SH2D6: variants seen among roughly 807,000 people sequenced by gnomAD.
SH2D6 encodes the protein SH2 domain-containing protein 6.
A neutral mutation model predicts 30.2 loss-of-function variants in SH2D6; 31 were observed. The observed-to-expected ratio is 1.03, with a 90% CI of 0.77 to 1.38. The LOEUF is 1.38. SH2D6 is among the 40% of genes most tolerant of loss of function. The pLI, the probability that SH2D6 is intolerant of heterozygous loss-of-function variation, is 0.00. For synonymous variants in SH2D6, 93 were observed against 104.6 expected (o/e 0.89, Z 0.68); for missense variants, 240 against 266.8 (o/e 0.90, Z 0.70).
chr2:85,433,772 C>T (rs754849315), intron 16 of SH2D6, 141 bp downstream of exon 16: 1 of 720,256 alleles, frequency 1.4e-6, no homozygotes, highest in Non-Finnish European at 2.1e-6. Flanking sequence ...TCAGTCACCG[C>T]ATGGACATCA....
intron 16 of SH2D6, 82 bp downstream of exon 16, chr2:85,433,713 C>T: frequency 3.8e-6 from 4 of 1,054,742 alleles, no homozygotes; most frequent in Non-Finnish European, 4.8e-6. Flanking sequence ...CTGGCTCCAT[C>T]TGCTTCCCTT....
chr2:85,432,545 C>A (rs371657191), intron 14 of SH2D6, among the ~76,000 whole-genome samples: 1 of 151,724 alleles, frequency 6.6e-6, no homozygotes, highest in Non-Finnish European at 1.5e-5. Flanking sequence ...GGACTACAGG[C>A]GCCCGCTACC....
chr2:85,432,806 G>C (rs1688913576), intron 14 of SH2D6, among the ~76,000 whole-genome samples: 1 of 152,184 alleles, frequency 6.6e-6, no homozygotes, highest in Admixed American at 6.5e-5. Context: ...AAAGTGCTGG[G>C]AATTACAGGC....
At chr2:85,423,535 C>G (rs1011761916) in intron 5 of SH2D6, among the ~76,000 whole-genome samples, 2 of 152,162 alleles carry the variant, frequency 1.3e-5, no homozygotes, top group African/African-American at 2.4e-5. Context: ...ACCTGGCCAA[C>G]AAACTACACA....
rs771120510 is a variant in SH2D6 at position 85,436,584 on chromosome 2, G to A, written c.*2G>A. The A allele has an allele frequency of 1.9e-6, 3 of 1,613,456 alleles. No individual in the cohort carries two copies. Among genetic ancestry groups the A allele is most frequent in the South Asian group, 1.1e-5 (1 of 91,070 alleles). ...CTGCTCTTCCCCACCAAGCCTTGAG[G>A]CCACAGCGAAGTACACACCGCCTTT... is the stretch of plus-strand genomic sequence containing the variant. On this transcript the variant is annotated 3_prime_UTR_variant, in exon 23 of 24. Transcript: ENST00000469800.
intron 14 of SH2D6, among the ~76,000 whole-genome samples, chr2:85,432,248 A>AT (rs36079023): frequency 0.22 from 28,691 of 130,786 alleles, 3,382 homozygotes; most frequent in African/African-American, 0.35. Context: ...GGCTGCTCTG[A>AT]TTTTTTTTTT....
intron 7 of SH2D6, among the ~76,000 whole-genome samples, 194 bp from the exon 8 acceptor site, chr2:85,429,178 A>G (rs1688321760): frequency 6.6e-6 from 1 of 152,240 alleles, no homozygotes; most frequent in African/African-American, 2.4e-5. Flanking sequence ...GACACTGATC[A>G]GAGAGCTGAA....
rs994734233 is a variant in SH2D6, at chr2:85,428,635, G to A, written c.-157G>A. On this transcript the variant is annotated 5_prime_UTR_variant, in exon 7 of 24. Transcript: ENST00000469800. Reference sequence around the variant, plus strand: ...AAAGCAGCCGTTTACAAGCCAAGAAGAGAGGCCGCATCACAAACCAACCTT... The same window carrying A: ...AAAGCAGCCGTTTACAAGCCAAGAAAAGAGGCCGCATCACAAACCAACCTT... 3 of 152,192 alleles carry A rather than the reference G, an allele frequency of 2.0e-5. No individual in the cohort carries two copies. Among genetic ancestry groups the A allele is most frequent in the Non-Finnish European group, 4.4e-5 (3 of 68,032 alleles). 9.4% of individuals were successfully genotyped at this position (152,192 alleles called of 1,614,324 possible).
rs570397599 is a variant in SH2D6, at chr2:85,422,473, G to C, written c.-421G>C. The C allele has an allele frequency of 1.0e-4, 16 of 152,392 alleles. No individual in the cohort carries two copies. The highest frequency in any genetic ancestry group is 3.8e-4 in the African/African-American group (16 of 41,566). 9.4% of individuals were successfully genotyped at this position (152,392 alleles called of 1,614,324 possible). On this transcript the variant is annotated 5_prime_UTR_variant, in exon 4 of 24. Transcript: ENST00000469800. ...GTCTGCCTGGGCCTCAGTCACATTG[G>C]AGGAGCAGAGAGAGAAGGTGAGTGT... is the stretch of plus-strand genomic sequence containing the variant.
At chr2:85,424,561 G>A (rs1418911550) in intron 5 of SH2D6, among the ~76,000 whole-genome samples, 2 of 151,836 alleles carry the variant, frequency 1.3e-5, no homozygotes, top group African/African-American at 4.8e-5. Context: ...ACCATCCTGG[G>A]CCACATAGCA....
chr2:85,431,514 C>T (rs567923986), intron 13 of SH2D6, among the ~76,000 whole-genome samples: 2 of 152,218 alleles, frequency 1.3e-5, no homozygotes, highest in East Asian at 3.9e-4. Flanking sequence ...GTGCCCTTCT[C>T]ATGTCTCTGA....
chr2:85,427,777 T>C (rs902654716), intron 6 of SH2D6, among the ~76,000 whole-genome samples: 1 of 152,198 alleles, frequency 6.6e-6, no homozygotes, highest in South Asian at 2.1e-4. Flanking sequence ...TTTTGTTTTT[T>C]TGGTTTTTCC....
chr2:85,434,523 G>A, intron 19 of SH2D6, 26 bp downstream of exon 19: 2 of 1,549,014 alleles, frequency 1.3e-6, no homozygotes, highest in Non-Finnish European at 1.7e-6. Context: ...TCCAAAGGTA[G>A]TGAGTTATCC....
At position 85,436,478 on chromosome 2, in the gene SH2D6, G is replaced by T; in HGVS notation, c.904G>T (p.Val302Leu). 6.2e-7 allele frequency: 1 copy of T among 1,613,606 alleles called. No individual in the cohort carries two copies. Among genetic ancestry groups the T allele is most frequent in the Non-Finnish European group, 8.5e-7 (1 of 1,179,956 alleles). ...CCTCCCTGGCCAGCTCTTCTCCTCC[G>T]TGGCGGCCATGGTCCAGCACTTCAT... ...GRNREELFSS[V>L]AAMVQHFMWH... The change falls in exon 23 of 24, where the codon GTG becomes TTG. Residue 302 changes from valine to leucine, a missense_variant. Physicochemically the swap from Val to Leu is conservative, Grantham distance 32. Transcript: ENST00000469800.
intron 6 of SH2D6, among the ~76,000 whole-genome samples, chr2:85,426,383 G>T (rs536580337): frequency 1.1e-4 from 16 of 152,180 alleles, no homozygotes; most frequent in Non-Finnish European, 2.2e-4. Flanking sequence ...TCAGGAGCAG[G>T]CCTTGGGGAA....
At chr2:85,424,427 T>C (rs1415701926) in intron 5 of SH2D6, among the ~76,000 whole-genome samples, 2 of 152,154 alleles carry the variant, frequency 1.3e-5, no homozygotes, top group African/African-American at 4.8e-5. Context: ...TTTCTTTCTA[T>C]CTATATTGAT....
chr2:85,420,617 G>A (rs1464949607), intron 2 of SH2D6, among the ~76,000 whole-genome samples: 1 of 152,252 alleles, frequency 6.6e-6, no homozygotes, highest in Non-Finnish European at 1.5e-5. Flanking sequence ...GAGCAGTGTT[G>A]TTAGGTCATT....
chr2:85,426,966 G>A (rs900374479), intron 6 of SH2D6, among the ~76,000 whole-genome samples: 8 of 152,184 alleles, frequency 5.3e-5, no homozygotes, highest in Admixed American at 4.6e-4. Flanking sequence ...CGCTGTGTCC[G>A]CTGCAGAACT....
chr2:85,434,437 G>A, intron 18 of SH2D6, 36 bp from the exon 19 acceptor site: 1 of 1,550,508 alleles, frequency 6.4e-7, no homozygotes, highest in Non-Finnish European at 8.7e-7. Flanking sequence ...GGGACCTGGG[G>A]CCCGGCCTCT....
Sources: allele counts gnomAD v4.1 joint callset (sites outside exome capture counted in the v4.1 genomes callset), GRCh38; gene constraint gnomAD v4.1.1; transcripts MANE v1.5; gene names NCBI Gene and HGNC (gene_info 2026-07-23, HGNC 2026-07-21).